Variants in OTUD5 observed in about 807,000 individuals in gnomAD.
The protein encoded by OTUD5 is OTU deubiquitinase 5.
In OTUD5, 2 loss-of-function variants were observed where a neutral mutation model predicts 36.3. The ratio of observed to expected loss-of-function variants is 0.06; its 90% CI spans 0.02 to 0.17. The LOEUF (loss-of-function observed/expected upper bound fraction) is 0.17. OTUD5 is among the 10% of genes least tolerant of loss of function. The probability of loss-of-function intolerance (pLI) is 1.00; values close to 1 mark genes in which losing one functional copy is unlikely to be tolerated. For missense variants in OTUD5, 233 were observed against 512.3 expected (o/e 0.45, Z 5.26); for synonymous variants, 234 against 214.9 (o/e 1.09, Z -0.78).
At chrX:48,924,712 G>T (rs782497528) in intron 6 of OTUD5, among the ~76,000 whole-genome samples, 46 of 111,948 alleles carry the variant, frequency 4.1e-4, no homozygotes, top group African/African-American at 1.4e-3. Context: ...CTTCTGCAAG[G>T]CTCAAATCTC....
chrX:48,957,752 T>C (rs782225098), upstream of OTUD5: 8,779 of 769,839 alleles, frequency 0.011, 50 homozygotes, highest in African/African-American at 0.039. Flanking sequence ...GCGGCGGCGG[T>C]GGCGGCGCGC....
Position 48,948,807 on chromosome X carries a change from G to A in OTUD5, c.595-4524C>T, listed in dbSNP as rs1238964832. Reference sequence around the variant, plus strand: ...CTGGCCTGAGGAGATTGTGAACCTTGCAAACTCATCGCTGAGCCTATGGGA... The same window carrying A: ...CTGGCCTGAGGAGATTGTGAACCTTACAAACTCATCGCTGAGCCTATGGGA... On this transcript the variant is annotated intron_variant, in intron 1 of 8. Transcript: ENST00000376488. 5.4e-5 allele frequency among the ~76,000 whole-genome samples: 6 copies of A among 111,875 alleles called. No individual in the cohort carries two copies. The Admixed American group carries it at 5.7e-4, about 11-fold the overall frequency.
upstream of OTUD5, chrX:48,957,728 AGGCGGC>A (rs1156647335): frequency 8.0e-3 from 5,278 of 663,509 alleles, 240 homozygotes; most frequent in African/African-American, 0.13. Flanking sequence ...GCGGCGGAGG[AGGCGGC>A]GGCGGCGGCG....
intron 2 of OTUD5, among the ~76,000 whole-genome samples, chrX:48,935,924 G>A (rs1207271915): frequency 1.4e-5 from 1 of 68,996 alleles, no homozygotes; most frequent in Non-Finnish European, 2.7e-5. Context: ...GGGCGACAGA[G>A]TAAGACTCTG....
chrX:48,949,401 G>C (rs1023331215), intron 1 of OTUD5, among the ~76,000 whole-genome samples: 17 of 111,955 alleles, frequency 1.5e-4, no homozygotes, highest in South Asian at 7.4e-4. Context: ...ATACAGGCCA[G>C]GTACGGTGAT....
chrX:48,954,375 A>C (rs1385987726), intron 1 of OTUD5, among the ~76,000 whole-genome samples: 1 of 111,341 alleles, frequency 9.0e-6, no homozygotes, highest in Non-Finnish European at 1.9e-5. Flanking sequence ...CCCTGGGACC[A>C]GGGATGTATC....
intron 5 of OTUD5, among the ~76,000 whole-genome samples, chrX:48,928,577 A>C (rs2063701243): frequency 1.8e-5 from 2 of 111,556 alleles, no homozygotes; most frequent in African/African-American, 6.5e-5. Flanking sequence ...CTGCAATACC[A>C]GCACTTTGAG....
chrX:48,923,364 C>A, intron 8 of OTUD5, 69 bp from the exon 9 acceptor site: 1 of 883,301 alleles, frequency 1.1e-6, no homozygotes, highest in South Asian at 2.1e-5. Context: ...CACCCTGTGC[C>A]GACATCTGGG....
In OTUD5 at chrX:48,934,320, ATTTTTTT is replaced by A. The variant is rs10715761; in HGVS notation, c.1059+137_1059+143del. On this transcript the variant is annotated intron_variant, in intron 5 of 8. Transcript: ENST00000376488. The stretch of plus-strand genomic sequence containing the variant: ...GAGAGATCACCTTAAGTAACTCCCT[ATTTTTTT>A]TTTTTTTTTTGTAAGGGTGAGACCT... 1,146 of 376,857 alleles carry A rather than the reference ATTTTTTT, an allele frequency of 3.0e-3. 3 individuals carry two copies. Among genetic ancestry groups the A allele is most frequent in the Non-Finnish European group, 4.6e-3 (1,048 of 226,066 alleles). 31.1% of individuals were successfully genotyped at this position (376,857 alleles called of 1,213,427 possible).
At position 48,957,273 on chromosome X, in the gene OTUD5, G is replaced by A; in HGVS notation, c.298C>T (p.Pro100Ser). 1 of 1,111,120 alleles carries A rather than the reference G, an allele frequency of 9.0e-7. No individual in the cohort carries two copies. The highest frequency in any genetic ancestry group is 1.2e-6 in the Non-Finnish European group (1 of 854,484). The allele number at this position is 1,111,120 out of a possible 1,213,427, so 91.6% of individuals were successfully genotyped here. The change falls in exon 1 of 9, where the codon CCA becomes TCA. Residue 100 changes from proline (P) to serine (S), a missense_variant. Transcript: ENST00000376488. ...VAGPRPQQASPPPCGGPGGPG... is the reference protein window; with the variant it reads ...VAGPRPQQASSPPCGGPGGPG... The stretch of plus-strand genomic sequence containing the variant: ...CCACCTGGGCCCCCGCAAGGAGGTG[G>A]AGAAGCCTGTTGTGGCCGGGGACCC...
At chrX:48,944,368 G>A (rs782483423) in intron 1 of OTUD5, 85 bp from the exon 2 acceptor site, 1 of 586,295 alleles carries the variant, frequency 1.7e-6, no homozygotes, top group Admixed American at 2.7e-5. Context: ...GAGAGGCCTA[G>A]ATCATTGACA....
intron 2 of OTUD5, chrX:48,940,758 G>A (rs1342375345): frequency 2.7e-5 from 3 of 111,800 alleles, no homozygotes; most frequent in Non-Finnish European, 5.6e-5. Flanking sequence ...GTGGGCCACA[G>A]GATACCTCTG....
rs782725838 is a variant in OTUD5, at chrX:48,938,791, G to A, written c.689-3773C>T. ...TCCCAGAAGGCTGGCACACAGGGCT[G>A]GGGGCCAGGCTTGACTTCCCTGTGG... On this transcript the variant is annotated intron_variant, in intron 2 of 8. Coordinates refer to ENST00000376488, the MANE Select transcript of OTUD5 (RefSeq NM_001136157.2). 5.4e-5 allele frequency among the ~76,000 whole-genome samples: 6 copies of A among 111,947 alleles called. No homozygotes were observed. The East Asian group carries it at 1.7e-3, about 31-fold the overall frequency.
At chrX:48,952,436 G>A (rs1157828005) in intron 1 of OTUD5, among the ~76,000 whole-genome samples, 1 of 112,458 alleles carries the variant, frequency 8.9e-6, no homozygotes, top group Non-Finnish European at 1.9e-5. Flanking sequence ...CCACTGAACT[G>A]TACACTTCAA....
At chrX:48,924,617 C>A (rs1488099588) in intron 6 of OTUD5, among the ~76,000 whole-genome samples, 1 of 111,812 alleles carries the variant, frequency 8.9e-6, no homozygotes, top group Non-Finnish European at 1.9e-5. Context: ...TCGGATACAC[C>A]GGCCTCCCTC....
intron 1 of OTUD5, among the ~76,000 whole-genome samples, chrX:48,949,627 G>A (rs1262156855): frequency 2.7e-5 from 3 of 111,205 alleles, no homozygotes; most frequent in Non-Finnish European, 3.8e-5. Context: ...GCAGTGAGCC[G>A]AGATAGCACC....
chrX:48,928,883 AT>A (rs1557048222), intron 5 of OTUD5, among the ~76,000 whole-genome samples: 1 of 108,446 alleles, frequency 9.2e-6, no homozygotes, highest in Non-Finnish European at 1.9e-5. Context: ...TTACAATTAT[AT>A]GACATTCTGA....
Position 48,923,073 on chromosome X carries a change from G to A in OTUD5, c.*101C>T, listed in dbSNP as rs2063606229. 4 of 1,187,931 alleles carry A rather than the reference G, an allele frequency of 3.4e-6. No individual in the cohort carries two copies. In the African/African-American group the frequency reaches 5.3e-5, roughly 16 times the overall value. On this transcript the variant is annotated 3_prime_UTR_variant, in exon 9 of 9. Transcript: ENST00000376488. ...GAGGGAAAAGAGGGGAGAGCAGAAA[G>A]AACAGAAGGAGGCAAGAGGGAAGAA...
chrX:48,957,819 A>C, upstream of OTUD5: 1 of 765,338 alleles, frequency 1.3e-6, no homozygotes, highest in Non-Finnish European at 1.5e-6. Context: ...CAGTGCGGCG[A>C]GTTTGTCTTA....
Sources: gnomAD v4.1 joint callset for allele counts (sites outside exome capture counted in the v4.1 genomes callset) on GRCh38, gnomAD v4.1.1 for gene constraint, MANE v1.5 for transcripts, NCBI Gene and HGNC (gene_info 2026-07-23, HGNC 2026-07-21) for gene names.